NKAIN2: variants seen among roughly 807,000 people sequenced by gnomAD.
NKAIN2 encodes the protein sodium/potassium-transporting ATPase subunit beta-1-interacting protein 2.
A neutral mutation model predicts 32.6 loss-of-function variants in NKAIN2; 14 were observed. The observed-to-expected ratio is 0.43, with a 90% CI of 0.28 to 0.67. The LOEUF is 0.67. Ranked by LOEUF, NKAIN2 falls within the 30% of genes least tolerant of loss-of-function variation. The pLI, the probability that NKAIN2 is intolerant of heterozygous loss-of-function variation, is 0.17. For missense variants in NKAIN2, 198 were observed against 258.3 expected, an observed-to-expected ratio of 0.77 and a Z score of 1.60; for synonymous variants, 80 against 87.2, an observed-to-expected ratio of 0.92 and a Z score of 0.46.
intron 2 of NKAIN2, among the ~76,000 whole-genome samples, chr6:124,283,995 T>C (rs932763734): frequency 5.3e-5 from 8 of 152,168 alleles, no homozygotes; most frequent in Non-Finnish European, 1.0e-4. Context: ...TATGAAAGCG[T>C]CCTCATTAAA....
intron 1 of NKAIN2, among the ~76,000 whole-genome samples, chr6:124,268,285 A>G (rs1461470034): frequency 6.6e-6 from 1 of 152,234 alleles, no homozygotes; most frequent in African/African-American, 2.4e-5. Flanking sequence ...CCTACATGAT[A>G]TTTAACTCAA....
chr6:123,873,083 G>C (rs557759486), intron 1 of NKAIN2, among the ~76,000 whole-genome samples: 2 of 152,202 alleles, frequency 1.3e-5, no homozygotes, highest in East Asian at 1.9e-4. Context: ...AGTGGGTTGA[G>C]ACCATGAACA....
chr6:124,137,664 T>G (rs1786886930), intron 1 of NKAIN2, among the ~76,000 whole-genome samples: 1 of 151,994 alleles, frequency 6.6e-6, no homozygotes, highest in Non-Finnish European at 1.5e-5. Flanking sequence ...AAAAGATAGG[T>G]ATATAGACTA....
chr6:124,517,312 G>A lies in NKAIN2; in HGVS notation c.274-140874G>A, dbSNP rs149527729. On this transcript the variant is annotated intron_variant, in intron 3 of 6. Coordinates refer to ENST00000368417, the MANE Select transcript of NKAIN2 (RefSeq NM_001040214.3). ...GAGCAATATTATAAAACCATTGTTAGGGCAGAAGAATAGTTTAATTTATAG... is the reference window on the plus strand; with the variant it reads ...GAGCAATATTATAAAACCATTGTTAAGGCAGAAGAATAGTTTAATTTATAG... Among the ~76,000 whole-genome samples the A allele has an allele frequency of 2.2e-4, 34 of 152,226 alleles. No homozygotes were observed. The East Asian group carries it at 5.4e-3, about 24-fold the overall frequency.
intron 3 of NKAIN2, among the ~76,000 whole-genome samples, chr6:124,481,487 A>T (rs1454919709): frequency 6.6e-6 from 1 of 151,340 alleles, no homozygotes; most frequent in East Asian, 1.9e-4. Flanking sequence ...ATAGAAAAAA[A>T]ATGTGATTCA....
intron 1 of NKAIN2, among the ~76,000 whole-genome samples, chr6:123,829,792 C>A (rs897139650): frequency 6.6e-6 from 1 of 152,150 alleles, no homozygotes; most frequent in East Asian, 1.9e-4. Context: ...TTCAACGTAA[C>A]GAAAAGTCAG....
chr6:124,315,502 T>C (rs1381965050), intron 2 of NKAIN2, among the ~76,000 whole-genome samples: 2 of 152,160 alleles, frequency 1.3e-5, no homozygotes, highest in Non-Finnish European at 2.9e-5. Flanking sequence ...ATGTGTAAAA[T>C]TATTCATGGA....
intron 1 of NKAIN2, among the ~76,000 whole-genome samples, chr6:123,873,834 ACTCTT>A: frequency 6.6e-6 from 1 of 152,048 alleles, no homozygotes; most frequent in South Asian, 2.1e-4. Flanking sequence ...GCATTGCTGT[ACTCTT>A]TATTGTATGT....
chr6:124,097,630 T>C (rs1784700878), intron 1 of NKAIN2, among the ~76,000 whole-genome samples: 2 of 152,178 alleles, frequency 1.3e-5, no homozygotes, highest in South Asian at 2.1e-4. Flanking sequence ...TAAACCAGAA[T>C]TGTGGAAAGT....
intron 3 of NKAIN2, among the ~76,000 whole-genome samples, chr6:124,638,489 G>A (rs1037510230): frequency 6.6e-6 from 1 of 152,130 alleles, no homozygotes; most frequent in Non-Finnish European, 1.5e-5. Flanking sequence ...GTAGATGGGA[G>A]AAAATATTTG....
intron 1 of NKAIN2, among the ~76,000 whole-genome samples, chr6:123,842,792 C>T (rs1465162261): frequency 6.6e-6 from 1 of 152,088 alleles, no homozygotes; most frequent in Non-Finnish European, 1.5e-5. Context: ...AATGCTTAGT[C>T]TGAGTGTCTG....
intron 4 of NKAIN2, among the ~76,000 whole-genome samples, chr6:124,774,168 G>T (rs1232232589): frequency 6.6e-6 from 1 of 152,164 alleles, no homozygotes; most frequent in Non-Finnish European, 1.5e-5. Flanking sequence ...CTGAATTGTT[G>T]CAAGTGGGGA....
At chr6:124,656,007 G>A (rs1051380229) in intron 3 of NKAIN2, among the ~76,000 whole-genome samples, 16 of 152,066 alleles carry the variant, frequency 1.1e-4, no homozygotes, top group African/African-American at 3.9e-4. Context: ...CTGCCCTCAT[G>A]GCTTAGTCTC....
At chr6:124,357,261 G>A (rs958042030) in intron 3 of NKAIN2, among the ~76,000 whole-genome samples, 1 of 152,020 alleles carries the variant, frequency 6.6e-6, no homozygotes, top group African/African-American at 2.4e-5. Flanking sequence ...AAAGGGCAAA[G>A]TTATATAGTT....
At chr6:124,408,370 T>C (rs1773971777) in intron 3 of NKAIN2, among the ~76,000 whole-genome samples, 1 of 152,232 alleles carries the variant, frequency 6.6e-6, no homozygotes. Flanking sequence ...AATTAATTTT[T>C]GTATGAGGTG....
chr6:124,229,501 C>CAGATAGATAGATAGAT (rs371937856), intron 1 of NKAIN2, among the ~76,000 whole-genome samples: 2,018 of 142,920 alleles, frequency 0.014, 30 homozygotes, highest in East Asian at 0.045. Flanking sequence ...GATAGATAGA[C>CAGATAGATAGATAGAT]AGATAGATAG....
rs1377779749 is a variant in NKAIN2, at chr6:124,467,122, AT to A, written c.273+111779del. On this transcript the variant is annotated intron_variant, in intron 3 of 6. Transcript: ENST00000368417. ...ATACTTCATACATGAGTCAATGTTTATTTTGCTAGGTTTGGTTATTGAGGAA... is the reference window on the plus strand; with the variant it reads ...ATACTTCATACATGAGTCAATGTTTATTTGCTAGGTTTGGTTATTGAGGAA... 2.6e-5 allele frequency among the ~76,000 whole-genome samples: 4 copies of A among 152,198 alleles called. No homozygotes were observed. In the East Asian group the frequency reaches 7.7e-4, roughly 29 times the overall value.
At chr6:124,653,012 CAAAT>C (rs1784418894) in intron 3 of NKAIN2, among the ~76,000 whole-genome samples, 1 of 152,196 alleles carries the variant, frequency 6.6e-6, no homozygotes, top group Admixed American at 6.5e-5. Context: ...TAAAAGGAAT[CAAAT>C]AAATAATCGT....
intron 3 of NKAIN2, among the ~76,000 whole-genome samples, chr6:124,617,460 A>G (rs1399479568): frequency 6.6e-6 from 1 of 152,174 alleles, no homozygotes; most frequent in Non-Finnish European, 1.5e-5. Flanking sequence ...AATATTCCTC[A>G]AGGACCAGCT....
Sources: allele counts gnomAD v4.1 joint callset (sites outside exome capture counted in the v4.1 genomes callset), GRCh38; gene constraint gnomAD v4.1.1; transcripts MANE v1.5; gene names NCBI Gene and HGNC (gene_info 2026-07-23, HGNC 2026-07-21).